The following MARCHF1 variants were observed in gnomAD, a reference collection of about 807,000 sequenced individuals.
MARCHF1 encodes the protein membrane associated ring-CH-type finger 1.
Under a neutral mutation model 54.2 loss-of-function variants are expected in MARCHF1, and 40 were observed. The observed-to-expected ratio is 0.74, with a 90% CI of 0.57 to 0.96. MARCHF1 has a LOEUF of 0.96. MARCHF1 is among the 40% of genes least tolerant of loss of function. MARCHF1 has a pLI of 0.00. For missense variants in MARCHF1, 586 were observed against 656.5 expected, an observed-to-expected ratio of 0.89 and a Z score of 1.17; for synonymous variants, 236 against 236.3, an observed-to-expected ratio of 1.00 and a Z score of 0.01.
At chr4:164,203,312 A>T (rs900977896) in intron 1 of MARCHF1, among the ~76,000 whole-genome samples, 3 of 151,954 alleles carry the variant, frequency 2.0e-5, no homozygotes, top group Admixed American at 2.0e-4. Flanking sequence ...TGTAGGAGAA[A>T]GAGAGAGAGA....
intron 1 of MARCHF1, among the ~76,000 whole-genome samples, chr4:164,128,972 A>G (rs1253603038): frequency 1.3e-5 from 2 of 152,164 alleles, no homozygotes; most frequent in African/African-American, 4.8e-5. Context: ...GTTGTCCAGC[A>G]GCTCCAACTC....
chr4:164,277,878 G>T (rs548372437), intron 1 of MARCHF1, among the ~76,000 whole-genome samples: 3 of 152,176 alleles, frequency 2.0e-5, no homozygotes, highest in Admixed American at 6.5e-5. Flanking sequence ...GGAAAAGAAA[G>T]AATTAATATT....
At chr4:164,137,384 G>A (rs1453877378) in intron 1 of MARCHF1, among the ~76,000 whole-genome samples, 1 of 152,150 alleles carries the variant, frequency 6.6e-6, no homozygotes, top group Non-Finnish European at 1.5e-5. Context: ...TTCTATGATA[G>A]TAGGATAATA....
At chr4:164,176,965 T>C (rs867443312) in intron 1 of MARCHF1, among the ~76,000 whole-genome samples, 689 of 40,774 alleles carry the variant, frequency 0.017, 42 homozygotes, top group African/African-American at 0.02. Context: ...TCTCTCTCTC[T>C]CTCTCTCTCT....
In MARCHF1 at chr4:163,528,839, A is replaced by C; in HGVS notation, c.1547T>G (p.Ile516Ser). 6.2e-7 allele frequency: 1 copy of C among 1,613,262 alleles called. No individual in the cohort carries two copies. Among genetic ancestry groups the C allele is most frequent in the Admixed American group, 1.7e-5 (1 of 59,870 alleles). ...TACAGGCACTACCACAGCATCTTTGATGTCTGTGTTTACATTACATGAGAA... is the reference window on the plus strand; with the variant it reads ...TACAGGCACTACCACAGCATCTTTGCTGTCTGTGTTTACATTACATGAGAA... The part of the protein sequence containing the change: ...KNFSCNVNTD[I>S]KDAVVVPVPQ... Residue 516 changes from isoleucine to serine, a missense_variant, in exon 10 of 10, where the codon ATC becomes AGC. This residue lies in a region of MARCHF1 where 106 missense variants were observed against 93.8 expected (regional missense o/e 1.13). Transcript: ENST00000514618.
intron 2 of MARCHF1, among the ~76,000 whole-genome samples, chr4:164,048,930 T>C (rs10021840): frequency 0.25 from 37,750 of 152,036 alleles, 6,378 homozygotes; most frequent in East Asian, 0.48. Context: ...TATATAATTA[T>C]CTTACATAAA....
chr4:163,777,984 A>C (rs1414758106), intron 4 of MARCHF1, among the ~76,000 whole-genome samples: 3 of 152,164 alleles, frequency 2.0e-5, no homozygotes, highest in Non-Finnish European at 4.4e-5. Flanking sequence ...TTCTATGACC[A>C]TTGTTTTGCC....
At chr4:164,100,485 T>A (rs1053553646) in intron 2 of MARCHF1, among the ~76,000 whole-genome samples, 9 of 152,234 alleles carry the variant, frequency 5.9e-5, no homozygotes, top group Admixed American at 5.2e-4. Context: ...CTTCTGGTGA[T>A]AAGTAGAATT....
chr4:164,343,503 TAA>T (rs1729986582), intron 1 of MARCHF1, among the ~76,000 whole-genome samples: 1 of 152,024 alleles, frequency 6.6e-6, no homozygotes, highest in African/African-American at 2.4e-5. Context: ...GTAAGGAACT[TAA>T]ACAAATTAAC....
At chr4:163,625,592 G>C (rs1387823212) in intron 5 of MARCHF1, among the ~76,000 whole-genome samples, 1 of 152,146 alleles carries the variant, frequency 6.6e-6, no homozygotes, top group Non-Finnish European at 1.5e-5. Context: ...TCGCATCACA[G>C]CGAACAAAAA....
chr4:163,738,550 T>C (rs1466196512), intron 4 of MARCHF1, among the ~76,000 whole-genome samples: 1 of 152,246 alleles, frequency 6.6e-6, no homozygotes, highest in African/African-American at 2.4e-5. Flanking sequence ...ACCTGGTACA[T>C]TCATATTAAA....
chr4:164,337,732 T>C (rs749333042), intron 1 of MARCHF1, among the ~76,000 whole-genome samples: 3 of 152,186 alleles, frequency 2.0e-5, no homozygotes, highest in Non-Finnish European at 2.9e-5. Context: ...AGTATGAGTT[T>C]TGCAGACAGT....
intron 1 of MARCHF1, among the ~76,000 whole-genome samples, chr4:164,303,770 C>T (rs1455238814): frequency 6.6e-6 from 1 of 151,878 alleles, no homozygotes; most frequent in East Asian, 1.9e-4. Context: ...TACACACATG[C>T]GTGCACACAC....
In MARCHF1 at chr4:164,218,698, TG is replaced by T. The variant is rs558569537; in HGVS notation, c.-322-107037del. Among the ~76,000 whole-genome samples the T allele has an allele frequency of 2.5e-4, 16 of 63,838 alleles. No individual in the cohort carries two copies. The East Asian group carries it at 7.4e-3, about 30-fold the overall frequency. 41.9% of individuals were successfully genotyped at this position (63,838 alleles called of 152,430 possible). A position where few individuals can be genotyped will look rare whatever the true frequency, so the allele number is the denominator to read the frequency against. ...GGGAACATCACACACCGGGGCCTGT[TG>T]TGGGGTGGGGGGAGGGGGAGGGATA... is the stretch of plus-strand genomic sequence containing the variant. On this transcript the variant is annotated intron_variant, in intron 1 of 9. Transcript: ENST00000514618.
intron 5 of MARCHF1, among the ~76,000 whole-genome samples, chr4:163,640,772 T>A (rs571621880): frequency 6.6e-6 from 1 of 152,272 alleles, no homozygotes; most frequent in South Asian, 2.1e-4. Flanking sequence ...ACACTTTAAG[T>A]CATAGCAAAA....
At chr4:163,895,283 T>G (rs955940324) in intron 3 of MARCHF1, among the ~76,000 whole-genome samples, 2 of 152,194 alleles carry the variant, frequency 1.3e-5, no homozygotes, top group Admixed American at 1.3e-4. Flanking sequence ...TGGAATTATT[T>G]AGCTTCATTA....
At chr4:164,318,564 T>C (rs566071386) in intron 1 of MARCHF1, among the ~76,000 whole-genome samples, 1 of 152,300 alleles carries the variant, frequency 6.6e-6, no homozygotes, top group East Asian at 1.9e-4. Context: ...GTTTTAAGAA[T>C]TGGTAAATAC....
chr4:163,692,589 TGGCCCCTG>T (rs1744498968), intron 5 of MARCHF1, among the ~76,000 whole-genome samples: 1 of 143,178 alleles, frequency 7.0e-6, no homozygotes, highest in Non-Finnish European at 1.5e-5. Context: ...TATGGCTCCT[TGGCCCCTG>T]AAAGAATTTA....
At chr4:163,590,985 T>C (rs879311697) in intron 7 of MARCHF1, among the ~76,000 whole-genome samples, 2 of 151,760 alleles carry the variant, frequency 1.3e-5, no homozygotes, top group East Asian at 1.9e-4. Flanking sequence ...AATGGGAGAA[T>C]AGTGGTGATA....
Sources: gnomAD v4.1 joint callset for allele counts (sites outside exome capture counted in the v4.1 genomes callset) on GRCh38, gnomAD v4.1.1 for gene constraint, gnomAD v4.1.1 regional missense constraint, MANE v1.5 for transcripts, NCBI Gene and HGNC (gene_info 2026-07-23, HGNC 2026-07-21) for gene names.